Variants in SLC16A5 observed in about 807,000 individuals in gnomAD.
SLC16A5 encodes monocarboxylate transporter 6.
Under a neutral mutation model 33.2 loss-of-function variants are expected in SLC16A5, and 29 were observed. That is an observed-to-expected ratio of 0.87 (90% CI 0.65 to 1.19). SLC16A5 has a LOEUF of 1.19. SLC16A5 is among the 50% of genes most tolerant of loss of function. The pLI is 0.00. For synonymous variants in SLC16A5, 248 were observed against 284.1 expected (o/e 0.87, Z 1.28); for missense variants, 606 against 678.2 (o/e 0.89, Z 1.18).
At chr17:75,101,141 C>T (rs2073793782) in intron 5 of SLC16A5, among the ~76,000 whole-genome samples, 2 of 150,964 alleles carry the variant, frequency 1.3e-5, no homozygotes, top group Non-Finnish European at 2.9e-5. Flanking sequence ...CCCAGCTACT[C>T]GGGAGGCTGA....
In SLC16A5 at chr17:75,098,069, C is replaced by T. The variant is rs61738943; in HGVS notation, c.231C>T (p.Phe77=). 0.026 allele frequency: 41,204 copies of T among 1,607,128 alleles called. 599 individuals are homozygous for T. The highest frequency in any genetic ancestry group is 0.032 in the Non-Finnish European group (37,132 of 1,177,482). ...TGTGCAGCATCCTGGTGGGACGCTTCGGCTGCCGAGTGACCGTGATGCTGG... is the reference window on the plus strand; with the variant it reads ...TGTGCAGCATCCTGGTGGGACGCTTTGGCTGCCGAGTGACCGTGATGCTGG... The part of the protein sequence containing the change: ...GPLCSILVGR[F]GCRVTVMLGG... Residue 77 remains phenylalanine, a synonymous_variant, in exon 4 of 7, where the codon TTC becomes TTT. Transcript: ENST00000329783.
intron 2 of SLC16A5, 73 bp from the exon 3 acceptor site, chr17:75,093,516 G>A: frequency 6.5e-7 from 1 of 1,537,910 alleles, no homozygotes; most frequent in Non-Finnish European, 8.7e-7. Flanking sequence ...TAGCTGCCCA[G>A]AGAAGGTGGC....
At chr17:75,101,122 G>A (rs547706791) in intron 5 of SLC16A5, among the ~76,000 whole-genome samples, 2 of 151,568 alleles carry the variant, frequency 1.3e-5, no homozygotes, top group South Asian at 2.1e-4. Context: ...TGTGATGGGC[G>A]CCTGTAGTCC....
downstream of SLC16A5, chr17:75,109,940 A>C: frequency 1.2e-5 from 3 of 244,104 alleles, no homozygotes; most frequent in Non-Finnish European, 2.4e-5. The surrounding 1 kb of genome is among the most constrained non-coding windows in gnomAD (Gnocchi z 5.0). Flanking sequence ...CTTCGGGGGT[A>C]GGGACAGCGC....
downstream of SLC16A5, chr17:75,110,106 T>A: frequency 1.7e-6 from 1 of 597,642 alleles, no homozygotes; most frequent in Non-Finnish European, 2.9e-6. Context: ...CCCCGTCCCA[T>A]CTCCCATATC....
At chr17:75,092,401 G>C (rs1384712721) in intron 2 of SLC16A5, among the ~76,000 whole-genome samples, 1 of 149,826 alleles carries the variant, frequency 6.7e-6, no homozygotes, top group Non-Finnish European at 1.5e-5. Flanking sequence ...TATGTCACTA[G>C]GCTGGAGTGC....
intron 3 of SLC16A5, among the ~76,000 whole-genome samples, chr17:75,094,177 G>A (rs1194854257): frequency 6.6e-6 from 1 of 152,254 alleles, no homozygotes; most frequent in Non-Finnish European, 1.5e-5. Context: ...CTGCTTTCCA[G>A]CTGGCTGGTC....
intron 6 of SLC16A5, chr17:75,104,895 G>A: frequency 1.0e-6 from 1 of 985,462 alleles, no homozygotes. Flanking sequence ...AGCTGGCTGT[G>A]TGTTGCTGCT....
intron 6 of SLC16A5, chr17:75,104,463 A>G (rs1041207468): frequency 6.0e-6 from 7 of 1,163,732 alleles, no homozygotes; most frequent in Non-Finnish European, 7.4e-6. Flanking sequence ...CTTGTTGCCC[A>G]GGCTGGAGTG....
rs776992520 is a variant in SLC16A5, at chr17:75,100,616, C to G, written c.953C>G (p.Thr318Ser). ...CTGGCACTCCTGCTCAATGGGCTCA[C>G]TAACCTGGTGTGTGCGGCATCAGGT... ...FSLALLLNGL[T>S]NLVCAASGDF... Residue 318 changes from threonine to serine, a missense_variant, in exon 5 of 7, where the codon ACT (threonine) becomes AGT (serine). Thr to Ser is a moderately conservative substitution (Grantham distance 58). Transcript: ENST00000329783. The G allele has an allele frequency of 6.2e-7, 1 of 1,614,104 alleles. No individual in the cohort carries two copies. Among genetic ancestry groups the G allele is most frequent in the Admixed American group, 1.7e-5 (1 of 60,006 alleles).
At chr17:75,101,149 T>C (rs1295249761) in intron 5 of SLC16A5, among the ~76,000 whole-genome samples, 9 of 151,066 alleles carry the variant, frequency 6.0e-5, no homozygotes, top group Non-Finnish European at 1.3e-4. Context: ...CTCGGGAGGC[T>C]GAGGCAGGAG....
chr17:75,089,647 C>T lies in SLC16A5; in HGVS notation c.-49+343C>T, dbSNP rs188268320. ...CGTGTGCCTGTAATCCCAGCTACTT[C>T]GGAGGCTGAGGCAGGAGAATTGCTT... On this transcript the variant is annotated intron_variant, in intron 2 of 6. Coordinates refer to ENST00000329783, the MANE Select transcript of SLC16A5 (RefSeq NM_004695.4). 4.2e-3 allele frequency among the ~76,000 whole-genome samples: 632 copies of T among 150,284 alleles called. 6 individuals are homozygous for T. Among genetic ancestry groups the T allele is most frequent in the Non-Finnish European group, 5.0e-3 (335 of 67,660 alleles).
At chr17:75,094,110 C>T (rs2073683411) in intron 3 of SLC16A5, among the ~76,000 whole-genome samples, 1 of 152,192 alleles carries the variant, frequency 6.6e-6, no homozygotes, top group Admixed American at 6.5e-5. Flanking sequence ...CGTAGGTGTG[C>T]TGGGGCGCTC....
chr17:75,104,024 T>C lies in SLC16A5; in HGVS notation c.1208T>C (p.Phe403Ser). Residue 403 changes from phenylalanine to serine, a missense_variant, in exon 6 of 7, where the codon TTC (phenylalanine) becomes TCC (serine). Transcript: ENST00000329783. ...AGCTATGTTTTCTACATGTCCAGCT[T>C]CTTCCTCATCTCAGCTGCCCTCTTC... ...NFSYVFYMSS[F>S]FLISAALFMG... 1.9e-6 allele frequency: 3 copies of C among 1,614,238 alleles called. No homozygotes were observed. The highest frequency in any genetic ancestry group is 2.5e-6 in the Non-Finnish European group (3 of 1,180,046).
chr17:75,094,765 G>A (rs2073693848), intron 3 of SLC16A5, among the ~76,000 whole-genome samples: 2 of 152,122 alleles, frequency 1.3e-5, no homozygotes, highest in Admixed American at 6.5e-5. Flanking sequence ...CAGAGAGGAG[G>A]TTGCTAAGTG....
chr17:75,094,227 A>T (rs2073684903), intron 3 of SLC16A5, among the ~76,000 whole-genome samples: 2 of 152,208 alleles, frequency 1.3e-5, no homozygotes, highest in African/African-American at 4.8e-5. Context: ...TCTGAGGGTG[A>T]TGCCCGGCAT....
chr17:75,107,975 G>A (rs563551497), downstream of SLC16A5, among the ~76,000 whole-genome samples: 9 of 151,912 alleles, frequency 5.9e-5, no homozygotes, highest in East Asian at 9.7e-4. Context: ...GCAGTGGTGC[G>A]TGCCTGTAAT....
chr17:75,104,415 C>CTTT (rs577017676), intron 6 of SLC16A5: 868 of 1,001,598 alleles, frequency 8.7e-4, no homozygotes, highest in South Asian at 3.7e-3. Flanking sequence ...CTGAGAAACT[C>CTTT]TTTTTTTTTT....
At chr17:75,105,773 C>G (rs12602404) in intron 6 of SLC16A5, 107 bp from the exon 7 acceptor site, 3 of 1,429,268 alleles carry the variant, frequency 2.1e-6, no homozygotes, top group South Asian at 3.2e-5. Flanking sequence ...CCTTCCTTTC[C>G]TCCTAGCTCA....
Sources: allele counts gnomAD v4.1 joint callset (sites outside exome capture counted in the v4.1 genomes callset), GRCh38; gene constraint gnomAD v4.1.1; non-coding constraint Gnocchi (gnomAD v3.1); transcripts MANE v1.5; gene names NCBI Gene and HGNC (gene_info 2026-07-23, HGNC 2026-07-21).